Variants in ART3 observed in about 807,000 individuals in gnomAD.
ART3 encodes the protein ADP-ribosyltransferase 3 (inactive).
In ART3, 49 loss-of-function variants were observed where a neutral mutation model predicts 48.5. The ratio of observed to expected loss-of-function variants is 1.01; its 90% CI spans 0.80 to 1.28. The LOEUF is 1.28. ART3 is among the 50% of genes most tolerant of loss of function. The pLI is 0.00. For missense variants in ART3, 438 were observed against 454.3 expected, an observed-to-expected ratio of 0.96 and a Z score of 0.33; for synonymous variants, 145 against 157.2, an observed-to-expected ratio of 0.92 and a Z score of 0.58.
At chr4:76,098,300 G>A (rs534646989) in intron 4 of ART3, among the ~76,000 whole-genome samples, 1 of 152,134 alleles carries the variant, frequency 6.6e-6, no homozygotes, top group Admixed American at 6.5e-5. Flanking sequence ...TATCAAAGAG[G>A]CCTAATAAAT....
chr4:76,052,396 G>C (rs6848620), intron 1 of ART3, among the ~76,000 whole-genome samples: 88,868 of 151,780 alleles, frequency 0.59, 26,858 homozygotes, highest in East Asian at 0.94. Flanking sequence ...AGTGACTACC[G>C]TATCACCATA....
At chr4:76,091,985 TTATCTTTATTCCAG>T (rs1192662513) in intron 3 of ART3, among the ~76,000 whole-genome samples, 2 of 152,084 alleles carry the variant, frequency 1.3e-5, no homozygotes, top group Admixed American at 6.5e-5. Context: ...GCCTGGTGAT[TTATCTTTATTCCAG>T]TATCATATAT....
intron 2 of ART3, among the ~76,000 whole-genome samples, chr4:76,080,956 T>C (rs1722327682): frequency 1.3e-5 from 2 of 152,232 alleles, no homozygotes; most frequent in South Asian, 4.1e-4. Context: ...CCCTGCTTCT[T>C]ATGTTATGTG....
At chr4:76,077,546 G>A (rs576029493) in intron 2 of ART3, among the ~76,000 whole-genome samples, 1 of 152,162 alleles carries the variant, frequency 6.6e-6, no homozygotes, top group East Asian at 1.9e-4. Flanking sequence ...ATATAGTCTT[G>A]ACATATTGAG....
At chr4:76,011,848 A>G (rs1731829987) in intron 1 of ART3, among the ~76,000 whole-genome samples, 1 of 152,216 alleles carries the variant, frequency 6.6e-6, no homozygotes, top group Non-Finnish European at 1.5e-5. Flanking sequence ...GTCTGAGAGC[A>G]ACCACATTCT....
At chr4:76,094,908 G>A (rs1435470918) in intron 3 of ART3, among the ~76,000 whole-genome samples, 1 of 152,184 alleles carries the variant, frequency 6.6e-6, no homozygotes, top group Non-Finnish European at 1.5e-5. Flanking sequence ...GGGTTGGTAA[G>A]TTAAATTTTT....
Position 76,107,751 on chromosome 4 carries a change from T to C in ART3, c.1004-10T>C, listed in dbSNP as rs767429708. ...CAATATAACTAACTCAAAATCTCTT[T>C]ATATTTTAGAAGATAAAAGTCAAGG... On this transcript the variant is annotated splice_polypyrimidine_tract_variant and intron_variant, in intron 10 of 11. Transcript: ENST00000355810. 6 of 1,418,206 alleles carry C rather than the reference T, an allele frequency of 4.2e-6. No individual in the cohort carries two copies. The highest frequency in any genetic ancestry group is 2.3e-5 in the Admixed American group (1 of 43,410). 87.9% of individuals were successfully genotyped at this position (1,418,206 alleles called of 1,614,324 possible).
Position 76,069,386 on chromosome 4 carries a change from C to CTTTTTT in ART3, c.-9-6479_-9-6474dup, listed in dbSNP as rs34858048. 3.4e-3 allele frequency among the ~76,000 whole-genome samples: 375 copies of CTTTTTT among 109,914 alleles called. 19 individuals are homozygous for CTTTTTT. Among genetic ancestry groups the CTTTTTT allele is most frequent in the African/African-American group, 5.5e-3 (159 of 28,898 alleles). 72.1% of individuals were successfully genotyped at this position (109,914 alleles called of 152,430 possible). A position where few individuals can be genotyped will look rare whatever the true frequency, so the allele number is the denominator to read the frequency against. ...ATGTAAATGTATCAGTACTTAATTC[C>CTTTTTT]TTTTTTTTTTTTTTTTTTTTTGAGA... On this transcript the variant is annotated intron_variant, in intron 1 of 9. Transcript: ENST00000341029.
At chr4:76,046,951 C>G (rs1362724274) in intron 1 of ART3, among the ~76,000 whole-genome samples, 1 of 135,344 alleles carries the variant, frequency 7.4e-6, no homozygotes, top group Admixed American at 8.0e-5. Flanking sequence ...TTTCCTGGCC[C>G]TCAATAGTTA....
intron 1 of ART3, among the ~76,000 whole-genome samples, chr4:76,023,655 T>TC (rs1733100339): frequency 1.3e-5 from 2 of 152,224 alleles, no homozygotes; most frequent in Non-Finnish European, 1.5e-5. Context: ...TATTGTAGCC[T>TC]CCAAGTTACG....
At chr4:76,085,276 T>C (rs1316102500) in intron 3 of ART3, among the ~76,000 whole-genome samples, 1 of 152,196 alleles carries the variant, frequency 6.6e-6, no homozygotes, top group East Asian at 1.9e-4. Flanking sequence ...GGATAGACTT[T>C]TAGATCTTGA....
In ART3 at chr4:76,098,940, A is replaced by G. The variant is rs761402593; in HGVS notation, c.815-15A>G. On this transcript the variant is annotated splice_polypyrimidine_tract_variant and intron_variant, in intron 4 of 11. Coordinates refer to ENST00000355810, the MANE Select transcript of ART3 (RefSeq NM_001130016.3). Reference sequence around the variant, plus strand: ...GAGCATAGTACCATGTAATGAAAACATGTCTGTATTTCAGAATATTTTCAA... The same window carrying G: ...GAGCATAGTACCATGTAATGAAAACGTGTCTGTATTTCAGAATATTTTCAA... The G allele has an allele frequency of 3.5e-5, 56 of 1,598,088 alleles. No homozygotes were observed. Among genetic ancestry groups the G allele is most frequent in the Non-Finnish European group, 4.4e-5 (51 of 1,165,572 alleles).
rs1734167381 is a variant in ART3, at chr4:76,034,505, G to A, written c.-10+23185G>A. On this transcript the variant is annotated intron_variant, in intron 1 of 9. Coordinates refer to the ART3 transcript ENST00000341029. ...TGAAAGCACTTTGTAAACTCCGATGGTAACCAGCCTTTCTTAAGGTAGCTT... is the reference window on the plus strand; with the variant it reads ...TGAAAGCACTTTGTAAACTCCGATGATAACCAGCCTTTCTTAAGGTAGCTT... 4 of 519,998 alleles carry A rather than the reference G, an allele frequency of 7.7e-6. No individual in the cohort carries two copies. In the Admixed American group the frequency reaches 1.6e-4, roughly 20 times the overall value. The allele number at this position is 519,998 out of a possible 1,614,324, so 32.2% of individuals were successfully genotyped here. A position where few individuals can be genotyped will look rare whatever the true frequency, so the allele number is the denominator to read the frequency against.
At chr4:76,105,472 G>GT in intron 10 of ART3, 1 of 1,281,116 alleles carries the variant, frequency 7.8e-7, no homozygotes, top group Non-Finnish European at 1.0e-6. Flanking sequence ...TAACATAGTA[G>GT]TAAATGGTAG....
At chr4:76,100,881 C>T in intron 7 of ART3, 57 bp downstream of exon 7, 1 of 1,602,256 alleles carries the variant, frequency 6.2e-7, no homozygotes, top group Non-Finnish European at 8.5e-7. Context: ...CCTCCCTTTA[C>T]AGGTGGGAAT....
intron 1 of ART3, among the ~76,000 whole-genome samples, chr4:76,062,466 A>G (rs1719316784): frequency 6.6e-6 from 1 of 151,914 alleles, no homozygotes. Flanking sequence ...GTTATAAATT[A>G]TCGTTATTGC....
rs575587735 is a variant in ART3 at position 76,046,158 on chromosome 4, T to C, written c.-9-29723T>C. The stretch of plus-strand genomic sequence containing the variant: ...AGTGCCTGACCAAACAGATGAGGGC[T>C]ATCCCTAAACCCTTGGGGCAAGACC... On this transcript the variant is annotated intron_variant, in intron 1 of 9. Transcript: ENST00000341029. Among the ~76,000 whole-genome samples, 8 of 152,162 alleles carry C rather than the reference T, an allele frequency of 5.3e-5. No individual in the cohort carries two copies. In the East Asian group the frequency reaches 1.5e-3, roughly 29 times the overall value.
intron 1 of ART3, among the ~76,000 whole-genome samples, chr4:76,056,325 C>T (rs1315210274): frequency 2.6e-5 from 4 of 152,140 alleles, no homozygotes; most frequent in Non-Finnish European, 4.4e-5. Flanking sequence ...AAGGGTTAAA[C>T]TAGTGGAGGG....
chr4:76,098,411 A>G (rs1578565215), intron 4 of ART3, among the ~76,000 whole-genome samples: 1 of 152,354 alleles, frequency 6.6e-6, no homozygotes, highest in Middle Eastern at 3.4e-3. Context: ...TACCAAAGGT[A>G]TCAGAAGAGA....
Sources: gnomAD v4.1 joint callset for allele counts (sites outside exome capture counted in the v4.1 genomes callset) on GRCh38, gnomAD v4.1.1 for gene constraint, MANE v1.5 for transcripts, NCBI Gene and HGNC (gene_info 2026-07-23, HGNC 2026-07-21) for gene names.